Variants in CSMD1 observed in about 807,000 individuals in gnomAD.
CSMD1 encodes the protein CUB and Sushi multiple domains 1.
In CSMD1, 213 loss-of-function variants were observed where a neutral mutation model predicts 417.5. The ratio of observed to expected loss-of-function variants is 0.51; its 90% CI spans 0.46 to 0.57. The LOEUF is 0.57. Among genes scored for constraint, CSMD1 ranks in the 20% least tolerant of loss-of-function variants. The pLI is 0.00. For missense variants in CSMD1, 6,923 were observed against 4,529.7 expected, an observed-to-expected ratio of 1.53 and a Z score of -15.17; for synonymous variants, 2,862 against 1,736.8, an observed-to-expected ratio of 1.65 and a Z score of -16.11.
intron 7 of CSMD1, among the ~76,000 whole-genome samples, chr8:3,627,773 G>C (rs1032967530): frequency 6.6e-6 from 1 of 152,118 alleles, no homozygotes; most frequent in African/African-American, 2.4e-5. Flanking sequence ...AGAAAAGTGA[G>C]GGTTGGAATT....
intron 3 of CSMD1, among the ~76,000 whole-genome samples, chr8:4,367,339 T>C (rs763366788): frequency 1.3e-5 from 2 of 152,154 alleles, no homozygotes; most frequent in African/African-American, 2.4e-5. Flanking sequence ...TGTCTGATAT[T>C]GTCAACTTTG....
chr8:3,113,480 C>T (rs1180419477), intron 42 of CSMD1: 1 of 152,198 alleles, frequency 6.6e-6, no homozygotes, highest in East Asian at 1.9e-4. Flanking sequence ...AAGAAAGCTA[C>T]ATATTTTGAT....
At chr8:3,265,033 G>C (rs758567835) in intron 26 of CSMD1, among the ~76,000 whole-genome samples, 3 of 152,110 alleles carry the variant, frequency 2.0e-5, no homozygotes, top group Non-Finnish European at 2.9e-5. Flanking sequence ...AATTATATGG[G>C]AAAAGCATCT....
intron 10 of CSMD1, among the ~76,000 whole-genome samples, chr8:3,551,592 ATATATTTTT>A (rs1359367581): frequency 1.1e-3 from 127 of 117,200 alleles, no homozygotes; most frequent in African/African-American, 3.3e-3. Context: ...ATATATATAT[ATATATTTTT>A]TTTTTTTTTT....
chr8:3,234,626 G>A (rs1799042409), intron 26 of CSMD1, among the ~76,000 whole-genome samples: 1 of 152,184 alleles, frequency 6.6e-6, no homozygotes, highest in Admixed American at 6.5e-5. Flanking sequence ...TGGAACACAG[G>A]GAAATCCAAG....
At chr8:4,221,015 G>A (rs1386423963) in intron 3 of CSMD1, among the ~76,000 whole-genome samples, 3 of 152,184 alleles carry the variant, frequency 2.0e-5, no homozygotes, top group African/African-American at 4.8e-5. Context: ...TGTGCCCGCA[G>A]GAGGAGGCCA....
chr8:4,896,156 G>A (rs1380680132), intron 1 of CSMD1, among the ~76,000 whole-genome samples: 2 of 151,982 alleles, frequency 1.3e-5, no homozygotes, highest in Non-Finnish European at 2.9e-5. Context: ...TTAAACATTT[G>A]AAAGATTGTT....
rs57585903 is a variant in CSMD1 at position 3,439,149 on chromosome 8, AAAAC to A, written c.1562-29548_1562-29545del. The stretch of plus-strand genomic sequence containing the variant: ...AAAAAAAAAAAAAAAAAAAAAAAAA[AAAAC>A]CAAGAAAAAAAAAAGAAAAAGAAAA... On this transcript the variant is annotated intron_variant, in intron 12 of 69. Coordinates refer to ENST00000635120, the MANE Select transcript of CSMD1 (RefSeq NM_033225.6). 2.5e-3 allele frequency among the ~76,000 whole-genome samples: 314 copies of A among 125,936 alleles called. 65 individuals carry two copies. Among genetic ancestry groups the A allele is most frequent in the African/African-American group, 0.01 (278 of 27,430 alleles). The allele number at this position is 125,936 out of a possible 152,430, so 82.6% of individuals were successfully genotyped here.
In CSMD1 at chr8:4,220,801, C is replaced by T. The variant is rs144254013; in HGVS notation, c.416-188702G>A. Among the ~76,000 whole-genome samples the T allele has an allele frequency of 5.4e-3, 815 of 152,260 alleles. 27 individuals are homozygous for T. The highest frequency in any genetic ancestry group is 0.046 in the Admixed American group (698 of 15,298). On this transcript the variant is annotated intron_variant, in intron 3 of 69. Transcript: ENST00000635120. ...CAAGAAATCCTTATAACGCACCGAA[C>T]GCAGCTCAGGTAAGACACCATGGGG... is the stretch of plus-strand genomic sequence containing the variant.
chr8:4,723,687 A>T (rs1809215062), intron 1 of CSMD1, among the ~76,000 whole-genome samples: 1 of 151,170 alleles, frequency 6.6e-6, no homozygotes. Flanking sequence ...TTTTTGTTGA[A>T]TTTCTGATGA....
intron 1 of CSMD1, among the ~76,000 whole-genome samples, chr8:4,817,199 C>T (rs1054556385): frequency 8.5e-5 from 13 of 152,118 alleles, no homozygotes; most frequent in African/African-American, 3.1e-4. Flanking sequence ...TATTACTGTG[C>T]TCCTATATGT....
intron 3 of CSMD1, among the ~76,000 whole-genome samples, chr8:4,362,534 A>G (rs1312537378): frequency 6.6e-6 from 1 of 152,182 alleles, no homozygotes; most frequent in African/African-American, 2.4e-5. Context: ...ATAGAACAGG[A>G]TCTTTAATTT....
chr8:3,356,473 G>A (rs528986676), intron 21 of CSMD1, among the ~76,000 whole-genome samples: 1 of 152,150 alleles, frequency 6.6e-6, no homozygotes, highest in Non-Finnish European at 1.5e-5. Context: ...TCAGGAGTCC[G>A]AGACCAGCCT....
chr8:3,537,846 C>T (rs950136726), intron 10 of CSMD1, among the ~76,000 whole-genome samples: 5 of 152,312 alleles, frequency 3.3e-5, no homozygotes, highest in African/African-American at 1.2e-4. Context: ...ACAATAAATA[C>T]TTCTAAATTA....
At chr8:4,482,836 A>C (rs975515626) in intron 2 of CSMD1, among the ~76,000 whole-genome samples, 7 of 152,196 alleles carry the variant, frequency 4.6e-5, no homozygotes, top group Admixed American at 1.3e-4. Flanking sequence ...AATCAATACT[A>C]AAACTCTTAA....
chr8:3,968,890 G>A (rs1484700949), intron 5 of CSMD1, among the ~76,000 whole-genome samples: 1 of 152,180 alleles, frequency 6.6e-6, no homozygotes, highest in Non-Finnish European at 1.5e-5. Context: ...AAAGATTCAT[G>A]TAATTCAGAT....
chr8:4,803,761 C>A (rs756547525), intron 1 of CSMD1, among the ~76,000 whole-genome samples: 13 of 151,978 alleles, frequency 8.6e-5, no homozygotes, highest in East Asian at 1.9e-4. Context: ...TTTCAAAGAA[C>A]GTTATTGGTA....
At chr8:4,980,148 T>A (rs1584947757) in intron 1 of CSMD1, among the ~76,000 whole-genome samples, 1 of 152,380 alleles carries the variant, frequency 6.6e-6, no homozygotes, top group East Asian at 1.9e-4. Flanking sequence ...TAAAACCCTG[T>A]AACACGCACA....
At chr8:4,742,891 T>A (rs1810715242) in intron 1 of CSMD1, among the ~76,000 whole-genome samples, 1 of 152,126 alleles carries the variant, frequency 6.6e-6, no homozygotes, top group Non-Finnish European at 1.5e-5. Context: ...GACATGTCTA[T>A]CAGAACGGTT....
Sources: gnomAD v4.1 joint callset for allele counts (sites outside exome capture counted in the v4.1 genomes callset) on GRCh38, gnomAD v4.1.1 for gene constraint, MANE v1.5 for transcripts, NCBI Gene and HGNC (gene_info 2026-07-23, HGNC 2026-07-21) for gene names.